The following KIF23 variants were observed in gnomAD, a reference collection of about 807,000 sequenced individuals.
KIF23 encodes kinesin family member 23.
A neutral mutation model predicts 137.5 loss-of-function variants in KIF23; 30 were observed. The observed-to-expected ratio is 0.22, with a 90% CI of 0.16 to 0.30. The LOEUF (loss-of-function observed/expected upper bound fraction) is 0.30, where lower values mean the gene tolerates loss of function less well. Ranked by LOEUF, KIF23 falls within the 10% of genes least tolerant of loss-of-function variation. KIF23 has a pLI of 1.00. For synonymous variants in KIF23, 367 were observed against 391.1 expected (o/e 0.94, Z 0.73); for missense variants, 920 against 1,194.3 (o/e 0.77, Z 3.38).
rs779089769 is a variant in KIF23 at position 69,436,163 on chromosome 15, C to T, written c.1340C>T (p.Thr447Ile). ...CAAGTCATGAGATTTGCGGAAGTGA[C>T]TCAAGAAGTTGAAGTAGCAAGACCT... is the stretch of plus-strand genomic sequence containing the variant. ...NLQVMRFAEV[T>I]QEVEVARPVD... The change falls in exon 14 of 24, where the codon ACT becomes ATT. Residue 447 changes from threonine to isoleucine, a missense_variant. This residue lies in a region of KIF23 where 714 missense variants were observed against 866.2 expected (regional missense o/e 0.82). Transcript: ENST00000679126. 3.7e-6 allele frequency: 6 copies of T among 1,613,646 alleles called. No homozygotes were observed. In the South Asian group the frequency reaches 6.6e-5, roughly 18 times the overall value.
chr15:69,420,249 G>T (rs1374658833), intron 3 of KIF23, among the ~76,000 whole-genome samples: 1 of 151,818 alleles, frequency 6.6e-6, no homozygotes, highest in African/African-American at 2.4e-5. Flanking sequence ...GGGTGACAGA[G>T]TGAGACTCTG....
intron 3 of KIF23, among the ~76,000 whole-genome samples, chr15:69,418,238 C>T (rs1186277838): frequency 1.3e-5 from 2 of 152,032 alleles, no homozygotes; most frequent in East Asian, 3.9e-4. Flanking sequence ...TTGATGTATA[C>T]CTCTTCATCC....
intron 11 of KIF23, among the ~76,000 whole-genome samples, chr15:69,430,470 G>C (rs1358642537): frequency 6.6e-6 from 1 of 152,188 alleles, no homozygotes; most frequent in African/African-American, 2.4e-5. Context: ...GAGATCAGTA[G>C]ATAAACTAGA....
chr15:69,428,660 C>A (rs1329722633), intron 10 of KIF23, among the ~76,000 whole-genome samples: 3 of 74,040 alleles, frequency 4.1e-5, no homozygotes, highest in Admixed American at 2.2e-4. Flanking sequence ...CTCTGTCTCC[C>A]AAAAAAAAAA....
chr15:69,430,795 G>A (rs1240043212), intron 11 of KIF23, among the ~76,000 whole-genome samples: 1 of 152,162 alleles, frequency 6.6e-6, no homozygotes, highest in Admixed American at 6.5e-5. Flanking sequence ...CAACTATTAA[G>A]GGTCTAGTGT....
chr15:69,438,554 T>G, intron 16 of KIF23, 149 bp downstream of exon 16: 1 of 621,580 alleles, frequency 1.6e-6, no homozygotes, highest in Non-Finnish European at 2.5e-6. Flanking sequence ...TTCCAACACT[T>G]TGGGAGGCTG....
intron 10 of KIF23, among the ~76,000 whole-genome samples, chr15:69,428,681 AAAAAC>A (rs2057272502): frequency 6.6e-6 from 1 of 151,608 alleles, no homozygotes; most frequent in Non-Finnish European, 1.5e-5. Flanking sequence ...AAAAAAAAAA[AAAAAC>A]AAAAGAATTA....
At chr15:69,436,444 A>T (rs543765978) in intron 14 of KIF23, 120 bp from the exon 15 acceptor site, 1 of 1,191,230 alleles carries the variant, frequency 8.4e-7, no homozygotes, top group East Asian at 2.4e-5. Flanking sequence ...AAGTAAACTT[A>T]TGTCAGCTCA....
At chr15:69,426,233 A>G (rs1300868839) in intron 9 of KIF23, 51 bp downstream of exon 9, 1 of 1,588,842 alleles carries the variant, frequency 6.3e-7, no homozygotes, top group Non-Finnish European at 8.6e-7. Flanking sequence ...TATCACCTAG[A>G]GTTGCTACTA....
Position 69,422,016 on chromosome 15 carries a change from C to T in KIF23, c.341C>T (p.Thr114Met). The change falls in exon 5 of 24, where the codon ACG becomes ATG. Residue 114 changes from threonine to methionine, a missense_variant. By Grantham distance (81) the Thr-to-Met change is moderately conservative. This residue lies in a region of KIF23 where 7 missense variants were observed against 28.1 expected (regional missense o/e 0.25). Coordinates refer to ENST00000679126, the MANE Select transcript of KIF23 (RefSeq NM_001367805.3). ...KNGLLFTYGV[T>M]GSGKTHTMTG... ...GGTCTTCTTTTTACATATGGTGTGA[C>T]GGGAAGTGGAAAAACTCACACAATG... is the stretch of plus-strand genomic sequence containing the variant. The T allele has an allele frequency of 6.2e-7, 1 of 1,613,930 alleles. No homozygotes were observed. The highest frequency in any genetic ancestry group is 8.5e-7 in the Non-Finnish European group (1 of 1,179,954).
intron 11 of KIF23, among the ~76,000 whole-genome samples, chr15:69,430,171 A>G (rs954754955): frequency 3.9e-5 from 6 of 152,332 alleles, no homozygotes; most frequent in East Asian, 3.9e-4. Flanking sequence ...AAATATATAT[A>G]TAGCCAATCT....
intron 16 of KIF23, among the ~76,000 whole-genome samples, chr15:69,438,988 C>T (rs1280743408): frequency 3.3e-5 from 5 of 151,716 alleles, no homozygotes; most frequent in Non-Finnish European, 5.9e-5. Flanking sequence ...GTCCCAGCTA[C>T]TCGGAAGGCT....
At chr15:69,438,515 C>G (rs1011873292) in intron 16 of KIF23, 110 bp downstream of exon 16, 1 of 937,858 alleles carries the variant, frequency 1.1e-6, no homozygotes, top group Non-Finnish European at 1.5e-6. Flanking sequence ...TAAGAGTTCT[C>G]GGTTGAGTGC....
intron 9 of KIF23, 26 bp from the exon 10 acceptor site, chr15:69,426,310 G>C (rs1247333614): frequency 6.2e-7 from 1 of 1,612,726 alleles, no homozygotes; most frequent in East Asian, 2.2e-5. Flanking sequence ...GTTCAGGTTT[G>C]ACCAATGATT....
chr15:69,424,064 C>T (rs1222450712), intron 7 of KIF23, among the ~76,000 whole-genome samples: 1 of 152,112 alleles, frequency 6.6e-6, no homozygotes, highest in East Asian at 1.9e-4. Flanking sequence ...TTATATTTAA[C>T]TTTGTATATC....
At chr15:69,419,638 A>G (rs1265032808) in intron 3 of KIF23, among the ~76,000 whole-genome samples, 2 of 152,180 alleles carry the variant, frequency 1.3e-5, no homozygotes, top group African/African-American at 2.4e-5. Context: ...TGCCTCCTTT[A>G]CATTACTTAA....
intron 11 of KIF23, among the ~76,000 whole-genome samples, chr15:69,433,888 T>C (rs2057411931): frequency 1.3e-5 from 2 of 152,184 alleles, no homozygotes; most frequent in African/African-American, 4.8e-5. Flanking sequence ...TGTTCACTTA[T>C]TAAGTAAAAA....
At position 69,440,915 on chromosome 15, in the gene KIF23, C is replaced by G. The variant is rs1295446047; in HGVS notation, c.2257C>G (p.Pro753Ala). Reference sequence around the variant, plus strand: ...GCAGAAAATTCCTACGTACAACACACCTCTCAAAGTCACATCTATTGCAAG... The same window carrying G: ...GCAGAAAATTCCTACGTACAACACAGCTCTCAAAGTCACATCTATTGCAAG... ...WEQKIPTYNTPLKVTSIARRR... is the reference protein window; with the variant it reads ...WEQKIPTYNTALKVTSIARRR... The change falls in exon 19 of 24, where the codon CCT (proline) becomes GCT (alanine). Residue 753 changes from proline to alanine, a missense_variant. By Grantham distance (27) the Pro-to-Ala change is conservative. This residue lies in a region of KIF23 where 714 missense variants were observed against 866.2 expected (regional missense o/e 0.82). Coordinates refer to ENST00000679126, the MANE Select transcript of KIF23 (RefSeq NM_001367805.3). 3.7e-6 allele frequency: 6 copies of G among 1,614,186 alleles called. No individual in the cohort carries two copies. Among genetic ancestry groups the G allele is most frequent in the Non-Finnish European group, 4.2e-6 (5 of 1,180,036 alleles).
At chr15:69,415,691 C>T (rs531138549) in intron 1 of KIF23, among the ~76,000 whole-genome samples, 8 of 152,252 alleles carry the variant, frequency 5.3e-5, no homozygotes, top group African/African-American at 1.7e-4. Flanking sequence ...TTTGTAGTGC[C>T]TCTGTTAAAT....
Sources: allele counts gnomAD v4.1 joint callset (sites outside exome capture counted in the v4.1 genomes callset), GRCh38; gene constraint gnomAD v4.1.1; regional missense constraint gnomAD v4.1.1; transcripts MANE v1.5; gene names NCBI Gene and HGNC (gene_info 2026-07-23, HGNC 2026-07-21).